The following SKAP1 variants were observed in gnomAD, a reference collection of about 807,000 sequenced individuals.
SKAP1 encodes the protein src kinase associated phosphoprotein 1.
Under a neutral mutation model 58.5 loss-of-function variants are expected in SKAP1, and 44 were observed. The ratio of observed to expected loss-of-function variants is 0.75; its 90% CI spans 0.59 to 0.97. The LOEUF (loss-of-function observed/expected upper bound fraction) is 0.97. Among genes scored for constraint, SKAP1 ranks in the 50% least tolerant of loss-of-function variants. The probability of loss-of-function intolerance (pLI) is 0.00; values close to 1 mark genes in which losing one functional copy is unlikely to be tolerated. For missense variants in SKAP1, 390 were observed against 435.2 expected, an observed-to-expected ratio of 0.90 and a Z score of 0.92; for synonymous variants, 127 against 149.7, an observed-to-expected ratio of 0.85 and a Z score of 1.11.
the SKAP1 span, among the ~76,000 whole-genome samples, chr17:48,443,019 T>C: frequency 6.6e-6 from 1 of 152,220 alleles, no homozygotes; most frequent in Admixed American, 6.5e-5. Flanking sequence ...ACAGACTTCC[T>C]GCAGTTTTTC....
rs774189577 is a variant in SKAP1, at chr17:48,189,169, CA to C, written c.358+253del. Among the ~76,000 whole-genome samples, 254 of 152,328 alleles carry C rather than the reference CA, an allele frequency of 1.7e-3. 1 individual carries two copies. The highest frequency in any genetic ancestry group is 2.6e-3 in the Non-Finnish European group (174 of 68,030). ...TATCAAGCACCTGTCACATACCAGG[CA>C]TTGGGGATACAGAGGTGAGCAGGAC... On this transcript the variant is annotated intron_variant, in intron 5 of 12. Coordinates refer to ENST00000336915, the MANE Select transcript of SKAP1 (RefSeq NM_003726.4).
intron 4 of SKAP1, among the ~76,000 whole-genome samples, chr17:48,343,780 A>G (rs1485022348): frequency 1.3e-5 from 2 of 152,124 alleles, no homozygotes; most frequent in African/African-American, 4.8e-5. Context: ...AATCTGCCAA[A>G]ATGTTTGGAG....
chr17:48,242,763 T>A (rs1318227523), intron 4 of SKAP1, among the ~76,000 whole-genome samples: 1 of 152,180 alleles, frequency 6.6e-6, no homozygotes, highest in Admixed American at 6.6e-5. Flanking sequence ...TAACCTGTAG[T>A]GCAAAAGAAG....
intron 4 of SKAP1, among the ~76,000 whole-genome samples, chr17:48,250,272 GTTTTTT>G (rs755523173): frequency 2.6e-3 from 195 of 73,980 alleles, no homozygotes; most frequent in South Asian, 8.1e-3. Flanking sequence ...GCCATAGACA[GTTTTTT>G]TTTTTTTTTT....
chr17:48,298,512 A>G (rs1230766272), intron 4 of SKAP1, among the ~76,000 whole-genome samples: 1 of 152,276 alleles, frequency 6.6e-6, no homozygotes, highest in Non-Finnish European at 1.5e-5. Context: ...GACAAAAATT[A>G]AAAACTCTTA....
chr17:48,184,628 A>G (rs1271541453), intron 7 of SKAP1, 95 bp downstream of exon 7: 2 of 1,502,214 alleles, frequency 1.3e-6, no homozygotes, highest in Non-Finnish European at 1.8e-6. Context: ...GTAACAAAGA[A>G]AGGCTGGAAC....
intron 1 of SKAP1, among the ~76,000 whole-genome samples, chr17:48,414,226 G>A (rs2067704577): frequency 6.6e-6 from 1 of 152,160 alleles, no homozygotes; most frequent in Admixed American, 6.5e-5. Context: ...CTAGTCTCGA[G>A]GGGAAGGTAA....
chr17:48,218,917 A>C (rs1452386552), intron 4 of SKAP1, among the ~76,000 whole-genome samples: 5 of 152,214 alleles, frequency 3.3e-5, no homozygotes, highest in Non-Finnish European at 5.9e-5. Flanking sequence ...TGGCCATGTG[A>C]AATCAGAACA....
the SKAP1 span, among the ~76,000 whole-genome samples, chr17:48,438,465 G>T: frequency 6.6e-6 from 1 of 152,084 alleles, no homozygotes; most frequent in Non-Finnish European, 1.5e-5. Context: ...GGTATCATTG[G>T]TTGCCAAGGA....
intron 4 of SKAP1, among the ~76,000 whole-genome samples, chr17:48,249,648 A>G (rs1373419976): frequency 6.6e-6 from 1 of 151,904 alleles, no homozygotes; most frequent in Non-Finnish European, 1.5e-5. Context: ...CACTCCAGGC[A>G]GAGCAAGACC....
rs150392976 is a variant in SKAP1 at position 48,348,224 on chromosome 17, T to C, written c.179-2218A>G. Among the ~76,000 whole-genome samples the C allele has an allele frequency of 5.3e-4, 81 of 151,472 alleles. 1 individual carries two copies. The East Asian group carries it at 0.015, about 28-fold the overall frequency. ...GCATGGTGGCTTGTGCCTGTGGTCC[T>C]AGCTACTTGAGAGGCTGAGACATGG... On this transcript the variant is annotated intron_variant, in intron 3 of 12. Transcript: ENST00000336915.
At chr17:48,311,843 T>C (rs2066228575) in intron 4 of SKAP1, among the ~76,000 whole-genome samples, 1 of 152,114 alleles carries the variant, frequency 6.6e-6, no homozygotes, top group African/African-American at 2.4e-5. Flanking sequence ...ACATATATTC[T>C]GACACAAAAA....
chr17:48,413,052 T>C (rs2067684567), intron 1 of SKAP1, among the ~76,000 whole-genome samples: 1 of 142,912 alleles, frequency 7.0e-6, no homozygotes, highest in South Asian at 2.2e-4. Context: ...TGAATAAGCA[T>C]ATAACCAAAA....
intron 4 of SKAP1, among the ~76,000 whole-genome samples, chr17:48,292,143 AAAAG>A (rs1188723089): frequency 4.1e-3 from 609 of 150,236 alleles, no homozygotes; most frequent in Middle Eastern, 0.024. Flanking sequence ...AAAAAAAAAA[AAAAG>A]AAAGAAAGAA....
intron 4 of SKAP1, among the ~76,000 whole-genome samples, chr17:48,311,440 A>G (rs2066223605): frequency 6.6e-6 from 1 of 152,188 alleles, no homozygotes; most frequent in Non-Finnish European, 1.5e-5. Context: ...AGCCAGGCTG[A>G]GTGTCACAAT....
At chr17:48,415,276 A>C (rs2067718628) in intron 1 of SKAP1, among the ~76,000 whole-genome samples, 1 of 152,092 alleles carries the variant, frequency 6.6e-6, no homozygotes. Flanking sequence ...CTAGCATTAC[A>C]CTCAAGAAAA....
At chr17:48,225,024 G>C (rs2065051328) in intron 4 of SKAP1, among the ~76,000 whole-genome samples, 1 of 152,126 alleles carries the variant, frequency 6.6e-6, no homozygotes, top group African/African-American at 2.4e-5. Context: ...ATAACTATAG[G>C]GGGCAGAAAT....
At chr17:48,334,144 T>C (rs1021978958) in intron 4 of SKAP1, among the ~76,000 whole-genome samples, 1 of 151,980 alleles carries the variant, frequency 6.6e-6, no homozygotes, top group Admixed American at 6.5e-5. Flanking sequence ...CAAGAGACCC[T>C]GACACCTTCT....
intron 4 of SKAP1, among the ~76,000 whole-genome samples, chr17:48,223,551 G>A (rs1330596427): frequency 6.6e-6 from 1 of 152,180 alleles, no homozygotes. Context: ...TGAAGTGTGG[G>A]CAAATGTCCC....
Sources: allele counts gnomAD v4.1 joint callset (sites outside exome capture counted in the v4.1 genomes callset), GRCh38; gene constraint gnomAD v4.1.1; transcripts MANE v1.5; gene names NCBI Gene and HGNC (gene_info 2026-07-23, HGNC 2026-07-21).